Variants in MUC4 observed in about 807,000 individuals in gnomAD.
The protein encoded by MUC4 is mucin 4, cell surface associated, also known as mucin-4.
In MUC4, 202 loss-of-function variants were observed where a neutral mutation model predicts 257.9. The ratio of observed to expected loss-of-function variants is 0.78; its 90% CI spans 0.70 to 0.88. The LOEUF is 0.88. Ranked by LOEUF, MUC4 falls within the 40% of genes least tolerant of loss-of-function variation. MUC4 has a pLI of 0.00. For synonymous variants in MUC4, 2,351 were observed against 2,757.1 expected, an observed-to-expected ratio of 0.85 and a Z score of 4.62; for missense variants, 5,976 against 6,513.7, an observed-to-expected ratio of 0.92 and a Z score of 2.84.
Position 195,811,780 on chromosome 3 carries a change from G to A in MUC4, c.38C>T (p.Ser13Phe), listed in dbSNP as rs1209725692. The A allele has an allele frequency of 6.2e-7, 1 of 1,614,004 alleles. No individual in the cohort carries two copies. The highest frequency in any genetic ancestry group is 8.5e-7 in the Non-Finnish European group (1 of 1,179,988). ...GAGGCAGAGACACAGGCAGCTCAGGGACACCCAGGGGACCCTCCTCCAGCG... is the reference window on the plus strand; with the variant it reads ...GAGGCAGAGACACAGGCAGCTCAGGAACACCCAGGGGACCCTCCTCCAGCG... ...GARWRRVPWV[S>F]LSCLCLCLLP... is the part of the protein sequence containing the mutation. Residue 13 changes from serine to phenylalanine, a missense_variant, in exon 1 of 25, where the codon TCC becomes TTC. Ser to Phe is a radical substitution (Grantham distance 155). Around this residue, in one of 44 missense-constraint regions of MUC4, gnomAD observed 1,583 missense variants for 1,257.4 expected, o/e 1.26. Transcript: ENST00000463781.
At position 195,789,814 on chromosome 3, in the gene MUC4, A is replaced by C; in HGVS notation, c.1766T>G (p.Met589Arg). ...LSSPSYSVTQ[M>R]IKTATSPSSS... ...AGATGGGGATGTGGCCGTTTTTATC[A>C]TCTGAGTCACACTGTAGCTTGGGCT... The change falls in exon 2 of 25, where the codon ATG (methionine) becomes AGG (arginine). Residue 589 changes from methionine (M) to arginine (R), a missense_variant. By Grantham distance (91) the Met-to-Arg change is moderately conservative (BLOSUM62 -1). Transcript: ENST00000463781. 4.3e-6 allele frequency: 7 copies of C among 1,614,000 alleles called. No individual in the cohort carries two copies. Among genetic ancestry groups the C allele is most frequent in the Non-Finnish European group, 5.9e-6 (7 of 1,179,882 alleles).
chr3:195,788,712 A>T lies in MUC4; in HGVS notation c.2868T>A (p.Thr956=), dbSNP rs1181019105. ...GLTSPQTETH[T]LSPSGSGKTF... ...TTTTACCAGACCCTGAAGGTGACAG[A>T]GTGTGGGTCTCGGTTTGTGGAGATG... The change falls in exon 2 of 25, where the codon ACT becomes ACA. Residue 956 remains threonine (T), a synonymous_variant. Transcript: ENST00000463781. 8.7e-6 allele frequency: 14 copies of T among 1,612,906 alleles called. No homozygotes were observed. The highest frequency in any genetic ancestry group is 1.7e-5 in the Admixed American group (1 of 59,900).
intron 1 of MUC4, among the ~76,000 whole-genome samples, chr3:195,807,812 A>C (rs1443098174): frequency 6.6e-6 from 1 of 152,244 alleles, no homozygotes; most frequent in Non-Finnish European, 1.5e-5. Context: ...AAGGCCAACC[A>C]CTTCTTGTCC....
rs904484294 is a variant in MUC4, at chr3:195,766,706, CACTGG to C, written c.13570_13574del (p.Pro4524ValfsTer7). 1.9e-6 allele frequency: 3 copies of C among 1,614,086 alleles called. No homozygotes were observed. The African/African-American group carries it at 4.0e-5, about 22-fold the overall frequency. The stretch of plus-strand genomic sequence containing the variant: ...ATCTATCAGGGCGATACCTCTCCCA[CACTGG>C]CTGGGACATCAGTGGGCTGTTTTCG... On this transcript the variant is annotated frameshift_variant, in exon 8 of 25. Transcript: ENST00000463781. LOFTEE classifies it high-confidence loss of function.
chr3:195,811,827 A>T lies in MUC4; in HGVS notation c.-10T>A. 1 of 1,613,236 alleles carries T rather than the reference A, an allele frequency of 6.2e-7. No individual in the cohort carries two copies. The highest frequency in any genetic ancestry group is 8.5e-7 in the Non-Finnish European group (1 of 1,179,620). On this transcript the variant is annotated 5_prime_UTR_variant, in exon 1 of 25. Transcript: ENST00000463781. The stretch of plus-strand genomic sequence containing the variant: ...AGCGTGCCCCCTTCATGGCTGCGGC[A>T]AAAGTCCCCCTGGCTCCCTGGGGAA...
In MUC4 at chr3:195,789,395, C is replaced by T; in HGVS notation, c.2185G>A (p.Gly729Ser). The T allele has an allele frequency of 3.1e-6, 5 of 1,613,916 alleles. No individual in the cohort carries two copies. The East Asian group carries it at 8.9e-5, about 29-fold the overall frequency. The change falls in exon 2 of 25, where the codon GGC becomes AGC. Residue 729 changes from glycine (G) to serine (S), a missense_variant. This residue lies in a region of MUC4 where 1,583 missense variants were observed against 1,257.4 expected (regional missense o/e 1.26). Coordinates refer to ENST00000463781, the MANE Select transcript of MUC4 (RefSeq NM_018406.7). ...SHDATLGPSG[G>S]TSLSKTGALT... ...GCACCTGTTTTGGAAAGTGACGTGC[C>T]TCCTGAGGGCCCCAGGGTGGCATCA...
intron 1 of MUC4, among the ~76,000 whole-genome samples, chr3:195,799,412 T>G (rs1735023069): frequency 6.6e-6 from 1 of 152,232 alleles, no homozygotes; most frequent in Non-Finnish European, 1.5e-5. Context: ...GTGATTCTCC[T>G]GCTTCAGCCT....
chr3:195,748,337 A>G, intron 24 of MUC4, among the ~76,000 whole-genome samples: 1 of 152,260 alleles, frequency 6.6e-6, no homozygotes, highest in Admixed American at 6.5e-5. Flanking sequence ...GCCAAGGTGG[A>G]CGGATCACCT....
chr3:195,764,852 T>A (rs1300628168), intron 10 of MUC4, 145 bp downstream of exon 10: 1 of 1,170,654 alleles, frequency 8.5e-7, no homozygotes, highest in African/African-American at 1.5e-5. Flanking sequence ...CTGGTGGGGA[T>A]GTTGGAAGCT....
At chr3:195,770,100 A>C in intron 6 of MUC4, 116 bp downstream of exon 6, 1 of 1,098,288 alleles carries the variant, frequency 9.1e-7, no homozygotes, top group Non-Finnish European at 1.2e-6. Flanking sequence ...GGGGCTTGCT[A>C]TAATTAGCAA....
At chr3:195,766,149 C>T (rs1720431878) in intron 8 of MUC4, among the ~76,000 whole-genome samples, 1 of 152,106 alleles carries the variant, frequency 6.6e-6, no homozygotes, top group Admixed American at 6.5e-5. Flanking sequence ...TTAGTAGAGA[C>T]AGAATTTCAC....
intron 1 of MUC4, among the ~76,000 whole-genome samples, chr3:195,807,772 G>C (rs1452274327): frequency 6.6e-6 from 1 of 152,242 alleles, no homozygotes; most frequent in African/African-American, 2.4e-5. Context: ...AAAAGACACA[G>C]AGTAGCAAAA....
chr3:195,761,935 C>G (rs1719029039), intron 14 of MUC4, 152 bp downstream of exon 14: 1 of 970,610 alleles, frequency 1.0e-6, no homozygotes, highest in African/African-American at 1.7e-5. Context: ...TGGAGAAGCC[C>G]CTCGGCTCCC....
intron 18 of MUC4, among the ~76,000 whole-genome samples, chr3:195,754,903 A>ATG (rs1170049211): frequency 5.9e-4 from 18 of 30,672 alleles, no homozygotes; most frequent in Non-Finnish European, 1.2e-3. Flanking sequence ...CCATGTATGT[A>ATG]TGTGTGTGTC....
At chr3:195,752,592 ATT>A in intron 20 of MUC4, 146 bp from the exon 21 acceptor site, 1 of 636,910 alleles carries the variant, frequency 1.6e-6, no homozygotes, top group Non-Finnish European at 2.9e-6. Flanking sequence ...CTCACCCTAC[ATT>A]CCACAGTGAC....
At chr3:195,768,995 C>T (rs767457605) in intron 7 of MUC4, 27 bp downstream of exon 7, 7 of 1,602,026 alleles carry the variant, frequency 4.4e-6, no homozygotes, top group East Asian at 2.2e-5. Flanking sequence ...GCCAACTGCT[C>T]AGTGCTGACA....
intron 1 of MUC4, among the ~76,000 whole-genome samples, chr3:195,802,779 G>C (rs1289914202): frequency 6.6e-6 from 1 of 152,172 alleles, no homozygotes; most frequent in Admixed American, 6.5e-5. Context: ...CCACGCCAAG[G>C]GATTTCTCGT....
Position 195,786,827 on chromosome 3 carries a change from G to T in MUC4, c.4753C>A (p.Leu1585Ile). ...SSASTGHTTP[L>I]PVTDTSSASK... is the part of the protein sequence containing the mutation. ...GCTGAGGAAGTGTCGGTGACAGGAAGAGGGGTGGTGTGACCTGTAGATGCT... is the reference window on the plus strand; with the variant it reads ...GCTGAGGAAGTGTCGGTGACAGGAATAGGGGTGGTGTGACCTGTAGATGCT... Residue 1585 changes from leucine to isoleucine, a missense_variant, in exon 2 of 25, where the codon CTT becomes ATT. By Grantham distance (5) the Leu-to-Ile change is conservative. Around this residue, in one of 44 missense-constraint regions of MUC4, gnomAD observed 63 missense variants for 68.8 expected, o/e 0.92. Transcript: ENST00000463781. 6.5e-7 allele frequency: 1 copy of T among 1,526,744 alleles called. No individual in the cohort carries two copies. The highest frequency in any genetic ancestry group is 8.8e-7 in the Non-Finnish European group (1 of 1,133,224). 94.6% of individuals were successfully genotyped at this position (1,526,744 alleles called of 1,614,324 possible). A position where few individuals can be genotyped will look rare whatever the true frequency, so the allele number is the denominator to read the frequency against.
At chr3:195,753,453 G>C (rs1191551248) in intron 19 of MUC4, 1 of 556,154 alleles carries the variant, frequency 1.8e-6, no homozygotes, top group East Asian at 3.3e-5. Flanking sequence ...AGGGACTGGA[G>C]TGTTTCTCAG....
Sources: allele counts gnomAD v4.1 joint callset (sites outside exome capture counted in the v4.1 genomes callset), GRCh38; gene constraint gnomAD v4.1.1; regional missense constraint gnomAD v4.1.1; transcripts MANE v1.5; gene names NCBI Gene and HGNC (gene_info 2026-07-23, HGNC 2026-07-21).